Variants in HYDIN observed in about 807,000 individuals in gnomAD.
HYDIN encodes the protein HYDIN axonemal central pair apparatus protein.
Under a neutral mutation model 403.9 loss-of-function variants are expected in HYDIN, and 132 were observed. That is an observed-to-expected ratio of 0.33 (90% confidence interval 0.28 to 0.38). The LOEUF (loss-of-function observed/expected upper bound fraction) is 0.38, where lower values mean the gene tolerates loss of function less well. Among genes scored for constraint, HYDIN ranks in the 10% least tolerant of loss-of-function variants. The pLI is 1.00. For missense variants in HYDIN, 2,827 were observed against 5,009.5 expected, an observed-to-expected ratio of 0.56 and a Z score of 13.15; for synonymous variants, 1,202 against 1,891.7, an observed-to-expected ratio of 0.64 and a Z score of 9.46.
chr16:71,131,930 T>C (rs2084727332), intron 8 of HYDIN: 2 of 152,240 alleles, frequency 1.3e-5, no homozygotes, highest in South Asian at 2.1e-4. Flanking sequence ...CTTAACATCA[T>C]TTTCAAATGT....
chr16:71,033,268 T>C (rs1207537027), intron 18 of HYDIN, among the ~76,000 whole-genome samples: 1 of 152,242 alleles, frequency 6.6e-6, no homozygotes. Context: ...CCTTGGAATG[T>C]CTGACAAATG....
intron 13 of HYDIN, among the ~76,000 whole-genome samples, chr16:71,069,878 CA>C: frequency 6.6e-6 from 1 of 152,276 alleles, no homozygotes; most frequent in South Asian, 2.1e-4. Flanking sequence ...ATTTCTTACA[CA>C]AAAATATACA....
At chr16:70,931,208 CTG>C (rs1491278640) in intron 45 of HYDIN, among the ~76,000 whole-genome samples, 33 of 78,240 alleles carry the variant, frequency 4.2e-4, no homozygotes, top group African/African-American at 2.4e-4. Flanking sequence ...TCTCTTTCTT[CTG>C]TTTTTTTTTT....
At chr16:71,190,346 T>TA (rs11330665) in intron 1 of HYDIN, among the ~76,000 whole-genome samples, 1,648 of 147,930 alleles carry the variant, frequency 0.011, 26 homozygotes, top group African/African-American at 0.036. Flanking sequence ...AATTTGAGCA[T>TA]AAAAAAAAAA....
intron 23 of HYDIN, among the ~76,000 whole-genome samples, chr16:71,015,963 A>C (rs986295650): frequency 6.6e-6 from 1 of 152,018 alleles, no homozygotes; most frequent in Non-Finnish European, 1.5e-5. Flanking sequence ...GTCTATACAT[A>C]TACATAAATG....
At chr16:71,018,701 T>C (rs1184417443) in intron 22 of HYDIN, among the ~76,000 whole-genome samples, 4 of 152,226 alleles carry the variant, frequency 2.6e-5, no homozygotes, top group Non-Finnish European at 5.9e-5. Flanking sequence ...TAGTTGAAAA[T>C]GAAAGCAAGG....
chr16:71,015,280 A>T (rs1380994985), intron 23 of HYDIN, among the ~76,000 whole-genome samples: 35 of 152,056 alleles, frequency 2.3e-4, no homozygotes, highest in African/African-American at 7.0e-4. Context: ...ATGCCGAAGA[A>T]AGAGAAAAAC....
intron 20 of HYDIN, chr16:71,027,286 G>A (rs551962878): frequency 4.0e-6 from 5 of 1,264,860 alleles, no homozygotes; most frequent in Non-Finnish European, 5.0e-6. Context: ...ATCCTGCTAA[G>A]TGTTAATAGG....
At chr16:70,900,412 G>C (rs979422332) in intron 53 of HYDIN, among the ~76,000 whole-genome samples, 32 of 150,476 alleles carry the variant, frequency 2.1e-4, no homozygotes, top group African/African-American at 7.6e-4. Flanking sequence ...TGGAGGTGGA[G>C]GTTGCAGTGA....
At chr16:71,067,080 C>A in intron 15 of HYDIN, 1 of 610,828 alleles carries the variant, frequency 1.6e-6, no homozygotes, top group South Asian at 2.0e-5. Flanking sequence ...CTAAACTCTA[C>A]AAAACACACA....
intron 9 of HYDIN, among the ~76,000 whole-genome samples, chr16:71,126,718 C>G (rs1244828965): frequency 6.6e-6 from 1 of 152,148 alleles, no homozygotes; most frequent in African/African-American, 2.4e-5. Flanking sequence ...ACGGAATTGC[C>G]TCGGATATGT....
intron 18 of HYDIN, among the ~76,000 whole-genome samples, chr16:71,039,238 A>G (rs1021538236): frequency 1.3e-5 from 2 of 152,174 alleles, no homozygotes; most frequent in African/African-American, 4.8e-5. Context: ...AGATAAAATA[A>G]AAGGGTGCTA....
chr16:70,932,030 A>AC (rs2077355352), intron 45 of HYDIN, among the ~76,000 whole-genome samples: 4 of 147,414 alleles, frequency 2.7e-5, no homozygotes, highest in African/African-American at 1.0e-4. Flanking sequence ...AAAAAAAAAA[A>AC]AAAAAGGTAA....
At chr16:71,186,682 G>C in intron 2 of HYDIN, 79 bp downstream of exon 2, 4 of 1,137,586 alleles carry the variant, frequency 3.5e-6, no homozygotes, top group Non-Finnish European at 5.1e-6. Flanking sequence ...TTGGCATTCT[G>C]AGAATGCCAA....
At chr16:70,866,627 G>A (rs1299124813) in intron 66 of HYDIN, among the ~76,000 whole-genome samples, 1 of 152,060 alleles carries the variant, frequency 6.6e-6, no homozygotes, top group Non-Finnish European at 1.5e-5. Context: ...AAATATATAA[G>A]TGAACATCTT....
At chr16:71,195,254 T>TAA (rs1243299947) in intron 1 of HYDIN, among the ~76,000 whole-genome samples, 1 of 140,246 alleles carries the variant, frequency 7.1e-6, no homozygotes, top group Non-Finnish European at 1.6e-5. Flanking sequence ...AAGTTTGGTT[T>TAA]AAAAAAAAAA....
chr16:71,223,629 GA>G (rs34882416), intron 1 of HYDIN, among the ~76,000 whole-genome samples: 50,442 of 144,294 alleles, frequency 0.35, 10,253 homozygotes, highest in African/African-American at 0.58. Context: ...AAATCAGCAA[GA>G]AAAAAAAAAA....
intron 13 of HYDIN, among the ~76,000 whole-genome samples, chr16:71,071,699 C>T (rs7194960): frequency 0.31 from 46,558 of 151,550 alleles, 7,828 homozygotes; most frequent in East Asian, 0.56. Flanking sequence ...AAACTAGCAG[C>T]GGAAGATCAC....
At chr16:70,881,464 C>T (rs1186564956) in intron 60 of HYDIN, among the ~76,000 whole-genome samples, 2 of 145,016 alleles carry the variant, frequency 1.4e-5, no homozygotes, top group Admixed American at 1.3e-4. Flanking sequence ...AAAAATTAGC[C>T]GGGCATGGTG....
Sources: gnomAD v4.1 joint callset for allele counts (sites outside exome capture counted in the v4.1 genomes callset) on GRCh38, gnomAD v4.1.1 for gene constraint, MANE v1.5 for transcripts, NCBI Gene and HGNC (gene_info 2026-07-23, HGNC 2026-07-21) for gene names.